Variants in MYRFL observed in about 807,000 individuals in gnomAD.
MYRFL encodes the protein myelin regulatory factor like, also known as myelin regulatory factor-like protein.
Under a neutral mutation model 109.4 loss-of-function variants are expected in MYRFL, and 88 were observed. The observed-to-expected ratio is 0.80, with a 90% CI of 0.68 to 0.96. MYRFL has a LOEUF of 0.96. MYRFL is among the 40% of genes least tolerant of loss of function. MYRFL has a pLI of 0.00. For missense variants in MYRFL, 957 were observed against 954.9 expected, an observed-to-expected ratio of 1.00 and a Z score of -0.03; for synonymous variants, 324 against 320.9, an observed-to-expected ratio of 1.01 and a Z score of -0.10.
rs969901920 is a variant in MYRFL at position 69,825,514 on chromosome 12, T to C, written c.-4T>C. 7 of 701,782 alleles carry C rather than the reference T, an allele frequency of 1.0e-5. No individual in the cohort carries two copies. The highest frequency in any genetic ancestry group is 7.0e-5 in the African/African-American group (4 of 57,204). 43.5% of individuals were successfully genotyped at this position (701,782 alleles called of 1,614,324 possible). A position where few individuals can be genotyped will look rare whatever the true frequency, so the allele number is the denominator to read the frequency against. ...TGAGGAAATAGTACTAGGATCACAGTACCATGGATGTGGTAGGCGAAAATG... is the reference window on the plus strand; with the variant it reads ...TGAGGAAATAGTACTAGGATCACAGCACCATGGATGTGGTAGGCGAAAATG... On this transcript the variant is annotated 5_prime_UTR_variant, in exon 1 of 25. Transcript: ENST00000552032.
At chr12:69,932,371 A>T (rs568772216) in intron 15 of MYRFL, 142 bp from the exon 16 acceptor site, 4 of 581,878 alleles carry the variant, frequency 6.9e-6, no homozygotes, top group Admixed American at 3.1e-5. Flanking sequence ...GGCAGGGAGG[A>T]GGAAAGAGAT....
rs986434215 is a variant in MYRFL, at chr12:69,866,010, G to A, written c.137+10640G>A. On this transcript the variant is annotated intron_variant, in intron 2 of 24. Coordinates refer to ENST00000552032, the MANE Select transcript of MYRFL (RefSeq NM_182530.3). ...ATTATCTGTGTTTTACAGATGGGGA[G>A]GATAAGGTGCAGAGAGGTTAAGTAA... is the stretch of plus-strand genomic sequence containing the variant. Among the ~76,000 whole-genome samples, 6 of 152,090 alleles carry A rather than the reference G, an allele frequency of 3.9e-5. No homozygotes were observed. In the East Asian group the frequency reaches 1.2e-3, roughly 29 times the overall value.
chr12:69,937,143 C>T (rs1955494727), intron 19 of MYRFL, among the ~76,000 whole-genome samples: 1 of 152,006 alleles, frequency 6.6e-6, no homozygotes, highest in South Asian at 2.1e-4. Flanking sequence ...CACATACATA[C>T]ATACCAATGT....
In MYRFL at chr12:69,910,160, A is replaced by G. The variant is rs1001094365; in HGVS notation, c.1492+83A>G. On this transcript the variant is annotated intron_variant, in intron 12 of 24. Transcript: ENST00000552032. The stretch of plus-strand genomic sequence containing the variant: ...CCTCTTTATTTTGAGGTTATGTGCT[A>G]TGGCATTTGACAACGCTATGTTGAT... The G allele has an allele frequency of 4.3e-5, 39 of 904,706 alleles. No individual in the cohort carries two copies. The African/African-American group carries it at 5.0e-4, about 12-fold the overall frequency. 56.0% of individuals were successfully genotyped at this position (904,706 alleles called of 1,614,324 possible).
intron 12 of MYRFL, among the ~76,000 whole-genome samples, 187 bp from the exon 13 acceptor site, chr12:69,910,633 CA>C (rs5798959): frequency 0.27 from 33,558 of 125,110 alleles, 3,992 homozygotes; most frequent in East Asian, 0.48. Flanking sequence ...CCCAGAGTCT[CA>C]AAAAAAAAAA....
intron 2 of MYRFL, among the ~76,000 whole-genome samples, chr12:69,868,694 C>T (rs796848825): frequency 1.3e-5 from 2 of 152,212 alleles, no homozygotes; most frequent in South Asian, 2.1e-4. Context: ...CAACCATACT[C>T]ATTGACAACA....
At position 69,957,830 on chromosome 12, in the gene MYRFL, A is replaced by G; in HGVS notation, c.2459A>G (p.Glu820Gly). The G allele has an allele frequency of 6.5e-7, 1 of 1,530,616 alleles. No individual in the cohort carries two copies. The highest frequency in any genetic ancestry group is 1.2e-5 in the South Asian group (1 of 83,410). 94.8% of individuals were successfully genotyped at this position (1,530,616 alleles called of 1,614,324 possible). ...VKFSLEINTTEPLIVFQCKFT... is the reference protein window; with the variant it reads ...VKFSLEINTTGPLIVFQCKFT... ...TTCTTTGTCTCTTGAAGCACAACAGAGCCATTGATAGTCTTCCAGTGCAAA... is the reference window on the plus strand; with the variant it reads ...TTCTTTGTCTCTTGAAGCACAACAGGGCCATTGATAGTCTTCCAGTGCAAA... The change falls in exon 23 of 25, where the codon GAG (glutamate) becomes GGG (glycine). Residue 820 changes from glutamate (E) to glycine (G), a missense_variant. By Grantham distance (98) the Glu-to-Gly change is moderately conservative. Coordinates refer to ENST00000552032, the MANE Select transcript of MYRFL (RefSeq NM_182530.3).
chr12:69,841,734 T>A (rs1178892427), intron 1 of MYRFL, among the ~76,000 whole-genome samples: 1 of 152,186 alleles, frequency 6.6e-6, no homozygotes, highest in Non-Finnish European at 1.5e-5. Flanking sequence ...GTCATTAAAG[T>A]GCCCCACAAT....
At chr12:69,872,243 T>C (rs913724889) in intron 2 of MYRFL, among the ~76,000 whole-genome samples, 3 of 152,232 alleles carry the variant, frequency 2.0e-5, no homozygotes, top group African/African-American at 7.2e-5. Context: ...GGTTAACTTT[T>C]GACTTATCTG....
At chr12:69,861,923 G>A (rs1446577024) in intron 2 of MYRFL, among the ~76,000 whole-genome samples, 2 of 151,780 alleles carry the variant, frequency 1.3e-5, no homozygotes, top group Non-Finnish European at 1.5e-5. Flanking sequence ...ATTAATTTTT[G>A]TATAAGGTAT....
intron 16 of MYRFL, 123 bp from the exon 17 acceptor site, chr12:69,935,990 C>A (rs912093160): frequency 5.9e-6 from 7 of 1,192,144 alleles, no homozygotes; most frequent in East Asian, 5.1e-5. Flanking sequence ...ATCCCCTCCC[C>A]CCTGCTCCCA....
At chr12:69,948,315 A>C (rs1565650150) in intron 19 of MYRFL, among the ~76,000 whole-genome samples, 2 of 152,084 alleles carry the variant, frequency 1.3e-5, no homozygotes, top group African/African-American at 2.4e-5. Flanking sequence ...ATCTTTCCTC[A>C]TTCCCACCTA....
Position 69,853,022 on chromosome 12 carries a change from C to T in MYRFL, c.47-2258C>T, listed in dbSNP as rs537489281. ...ACACCGTAACATCTGATTTCTCTTT[C>T]TTTTCCCCACATTTCCCCCTTTTTC... is the stretch of plus-strand genomic sequence containing the variant. On this transcript the variant is annotated intron_variant, in intron 1 of 24. Coordinates refer to ENST00000552032, the MANE Select transcript of MYRFL (RefSeq NM_182530.3). 4.8e-4 allele frequency among the ~76,000 whole-genome samples: 73 copies of T among 152,380 alleles called. No homozygotes were observed. In the South Asian group the frequency reaches 0.014, roughly 30 times the overall value.
Position 69,886,843 on chromosome 12 carries a change from G to A in MYRFL, c.580G>A (p.Glu194Lys). 6.5e-7 allele frequency: 1 copy of A among 1,535,910 alleles called. No homozygotes were observed. The highest frequency in any genetic ancestry group is 1.2e-5 in the South Asian group (1 of 84,038). Residue 194 changes from glutamate to lysine, a missense_variant, in exon 6 of 25, where the codon GAA becomes AAA. By Grantham distance (56) the Glu-to-Lys change is moderately conservative. Coordinates refer to ENST00000552032, the MANE Select transcript of MYRFL (RefSeq NM_182530.3). The stretch of plus-strand genomic sequence containing the variant: ...AGTGACAAGTAGGAGTCGCAGCAGT[G>A]AAGTCCAGGACCCTGACAGTGAGGG... ...RPMTSRSRSS[E>K]VQDPDSEGQN...
At chr12:69,909,097 G>T (rs1187212357) in intron 11 of MYRFL, among the ~76,000 whole-genome samples, 2 of 152,210 alleles carry the variant, frequency 1.3e-5, no homozygotes, top group African/African-American at 4.8e-5. Flanking sequence ...CCAACACTTA[G>T]TAGTGCATGA....
intron 13 of MYRFL, 59 bp downstream of exon 13, chr12:69,910,989 C>G: frequency 1.1e-5 from 13 of 1,196,604 alleles, no homozygotes; most frequent in Non-Finnish European, 1.5e-5. Flanking sequence ...AAACCCCCTT[C>G]TGTGATAGCA....
intron 1 of MYRFL, among the ~76,000 whole-genome samples, chr12:69,848,263 T>A (rs1461927304): frequency 2.0e-5 from 3 of 152,060 alleles, no homozygotes; most frequent in African/African-American, 7.2e-5. Context: ...TTTTTTATTA[T>A]CATGGGTATT....
chr12:69,939,990 A>G (rs200620712), intron 19 of MYRFL, among the ~76,000 whole-genome samples: 7,654 of 148,840 alleles, frequency 0.051, 282 homozygotes, highest in Non-Finnish European at 0.082. Context: ...AGTGAGAAGG[A>G]AAGTTTAGAG....
chr12:69,868,614 G>A (rs1885150043), intron 2 of MYRFL, among the ~76,000 whole-genome samples: 1 of 152,186 alleles, frequency 6.6e-6, no homozygotes, highest in Admixed American at 6.5e-5. Context: ...CCAGCACAGA[G>A]CTGGAGGGGA....
Sources: allele counts gnomAD v4.1 joint callset (sites outside exome capture counted in the v4.1 genomes callset), GRCh38; gene constraint gnomAD v4.1.1; transcripts MANE v1.5; gene names NCBI Gene and HGNC (gene_info 2026-07-23, HGNC 2026-07-21).